The following ZP3 variants were observed in gnomAD, a reference collection of about 807,000 sequenced individuals.
The protein encoded by ZP3 is zona pellucida sperm-binding protein 3.
ZP3 carries 21 observed loss-of-function variants against 35.6 expected under a neutral mutation model. That is an observed-to-expected ratio of 0.59 (90% confidence interval 0.42 to 0.85). The LOEUF is 0.85. ZP3 is among the 40% of genes least tolerant of loss of function. The pLI, the probability that ZP3 is intolerant of heterozygous loss-of-function variation, is 0.00. For synonymous variants in ZP3, 207 were observed against 214.5 expected (o/e 0.96, Z 0.31); for missense variants, 437 against 536.5 (o/e 0.81, Z 1.83).
intron 5 of ZP3, among the ~76,000 whole-genome samples, chr7:76,436,029 C>CGTTTTTTTT (rs1563703130): frequency 7.8e-6 from 1 of 128,100 alleles, no homozygotes. Context: ...CCCCCCGCCC[C>CGTTTTTTTT]CTTTTTTTTT....
chr7:76,403,347 C>CTTTTTTTTTTCT (rs766899317), intron 1 of ZP3, among the ~76,000 whole-genome samples: 1 of 149,532 alleles, frequency 6.7e-6, no homozygotes, highest in Non-Finnish European at 1.5e-5. Flanking sequence ...GACTCCACTT[C>CTTTTTTTTTTCT]TTTTTTTTGA....
chr7:76,408,306 C>G (rs1467744780), intron 1 of ZP3, among the ~76,000 whole-genome samples: 1 of 152,140 alleles, frequency 6.6e-6, no homozygotes, highest in African/African-American at 2.4e-5. Context: ...GGGCCCAGGA[C>G]AGCCCCCAGT....
chr7:76,439,197 GCTT>G (rs1806120022), intron 5 of ZP3, among the ~76,000 whole-genome samples: 1 of 145,750 alleles, frequency 6.9e-6, no homozygotes, highest in Non-Finnish European at 1.5e-5. Context: ...AGTCCAAAAG[GCTT>G]CTTTATGTGC....
At chr7:76,429,889 G>A (rs1805778351) in intron 2 of ZP3, among the ~76,000 whole-genome samples, 1 of 152,174 alleles carries the variant, frequency 6.6e-6, no homozygotes, top group African/African-American at 2.4e-5. Flanking sequence ...GTGGTACTAT[G>A]CCAGCCTCGG....
Position 76,432,980 on chromosome 7 carries a change from C to A in ZP3, c.485C>A (p.Thr162Asn). ...AILPTWLPFR[T>N]TVFSEEKLTF... Reference sequence around the variant, plus strand: ...CTGCCCACCTGGTTGCCCTTCAGGACCACGGTGTTCTCAGAGGAGAAGCTG... The same window carrying A: ...CTGCCCACCTGGTTGCCCTTCAGGAACACGGTGTTCTCAGAGGAGAAGCTG... The change falls in exon 3 of 8, where the codon ACC becomes AAC. Residue 162 changes from threonine (T) to asparagine (N), a missense_variant. By Grantham distance (65) the Thr-to-Asn change is moderately conservative (BLOSUM62 0). Around this residue, in one of 6 missense-constraint regions of ZP3, gnomAD observed 352 missense variants for 308.4 expected, o/e 1.14. Coordinates refer to ENST00000394857, the MANE Select transcript of ZP3 (RefSeq NM_001110354.2). 1.2e-6 allele frequency: 2 copies of A among 1,614,116 alleles called. No homozygotes were observed. Among genetic ancestry groups the A allele is most frequent in the South Asian group, 2.2e-5 (2 of 91,076 alleles).
chr7:76,397,632 GGAT>G, exon 1 of ZP3: 1 of 1,613,594 alleles, frequency 6.2e-7, no homozygotes, highest in African/African-American at 1.3e-5. Flanking sequence ...TTGTCCAGCA[GGAT>G]GTGTCCGGTG....
intron 2 of ZP3, 79 bp downstream of exon 2, chr7:76,429,712 C>G: frequency 8.4e-7 from 1 of 1,192,380 alleles, no homozygotes; most frequent in Non-Finnish European, 1.2e-6. Flanking sequence ...TGGCTATGGG[C>G]TACAGCTTGC....
chr7:76,437,253 G>A (rs1806045992), intron 5 of ZP3, among the ~76,000 whole-genome samples: 4 of 134,916 alleles, frequency 3.0e-5, no homozygotes, highest in Admixed American at 2.7e-4. Context: ...TCGGTTCACT[G>A]CAACCTCCAC....
At chr7:76,440,387 C>A in intron 6 of ZP3, 46 bp downstream of exon 6, 1 of 1,611,646 alleles carries the variant, frequency 6.2e-7, no homozygotes, top group Non-Finnish European at 8.5e-7. Flanking sequence ...ACTGAATCGG[C>A]GACCCCTTGT....
chr7:76,433,629 C>A lies in ZP3; in HGVS notation c.695C>A (p.Thr232Asn). The stretch of plus-strand genomic sequence containing the variant: ...GACCAGAATGCCTCCCCTTATCACA[C>A]CATCGTGGACTTCCATGGGTGAGCA... ...TPDQNASPYHTIVDFHGCLVD... is the reference protein window; with the variant it reads ...TPDQNASPYHNIVDFHGCLVD... The change falls in exon 4 of 8, where the codon ACC becomes AAC. Residue 232 changes from threonine (T) to asparagine (N), a missense_variant. Around this residue, in one of 6 missense-constraint regions of ZP3, gnomAD observed 352 missense variants for 308.4 expected, o/e 1.14. Coordinates refer to ENST00000394857, the MANE Select transcript of ZP3 (RefSeq NM_001110354.2). 1 of 1,608,996 alleles carries A rather than the reference C, an allele frequency of 6.2e-7. No individual in the cohort carries two copies. Among genetic ancestry groups the A allele is most frequent in the Non-Finnish European group, 8.5e-7 (1 of 1,176,500 alleles).
At chr7:76,398,793 GA>G in intron 1 of ZP3, 1 of 1,612,372 alleles carries the variant, frequency 6.2e-7, no homozygotes, top group Non-Finnish European at 8.5e-7. Context: ...GCGTTGGCAA[GA>G]ATTCTGGAAA....
intron 2 of ZP3, among the ~76,000 whole-genome samples, chr7:76,432,162 T>C (rs1328879238): frequency 1.3e-5 from 2 of 151,654 alleles, no homozygotes. Flanking sequence ...AGCTGGTATG[T>C]ACTACTATGC....
At chr7:76,407,207 C>T (rs530217847) in intron 1 of ZP3, among the ~76,000 whole-genome samples, 20 of 152,284 alleles carry the variant, frequency 1.3e-4, no homozygotes, top group Admixed American at 5.9e-4. Context: ...GTGATACACC[C>T]GCCTCGGTCT....
chr7:76,405,323 T>TTTTTTTTC (rs1563687069), intron 1 of ZP3, among the ~76,000 whole-genome samples: 5 of 29,172 alleles, frequency 1.7e-4, no homozygotes, highest in Admixed American at 6.7e-4. Flanking sequence ...ATATGTATTT[T>TTTTTTTTC]TTTCTTTCTT....
At chr7:76,405,323 T>TTTTCTTTCTTTCTTTCTTTC (rs765504064) in intron 1 of ZP3, among the ~76,000 whole-genome samples, 6 of 29,172 alleles carry the variant, frequency 2.1e-4, no homozygotes, top group Admixed American at 3.3e-4. Context: ...ATATGTATTT[T>TTTTCTTTCTTTCTTTCTTTC]TTTCTTTCTT....
At chr7:76,400,555 C>T (rs1804786968) in intron 1 of ZP3, 1 of 1,509,924 alleles carries the variant, frequency 6.6e-7, no homozygotes, top group African/African-American at 1.4e-5. Flanking sequence ...TTCCAGGCGG[C>T]CCCGGCAGCG....
intron 1 of ZP3, among the ~76,000 whole-genome samples, chr7:76,427,744 C>T (rs1245015549): frequency 1.3e-5 from 2 of 152,180 alleles, no homozygotes. Context: ...AGGCAGCCAC[C>T]TGAGCTCTTG....
chr7:76,429,787 G>T (rs1216032280), intron 2 of ZP3, among the ~76,000 whole-genome samples, 154 bp downstream of exon 2: 1 of 152,184 alleles, frequency 6.6e-6, no homozygotes, highest in Non-Finnish European at 1.5e-5. Context: ...GCGTGGGATT[G>T]TGGGGCCTGC....
upstream of ZP3, chr7:76,424,893 C>G (rs947694060): frequency 7.9e-6 from 11 of 1,397,560 alleles, no homozygotes; most frequent in Non-Finnish European, 1.0e-5. Context: ...AGCTGAGAGC[C>G]CAGGTGGCAG....
Sources: allele counts gnomAD v4.1 joint callset (sites outside exome capture counted in the v4.1 genomes callset), GRCh38; gene constraint gnomAD v4.1.1; regional missense constraint gnomAD v4.1.1; transcripts MANE v1.5; gene names NCBI Gene and HGNC (gene_info 2026-07-23, HGNC 2026-07-21).